UNC80: variants seen among roughly 807,000 people sequenced by gnomAD.
UNC80 encodes protein unc-80 homolog.
In UNC80, 164 loss-of-function variants were observed where a neutral mutation model predicts 384.6. The ratio of observed to expected loss-of-function variants is 0.43; its 90% CI spans 0.38 to 0.49. The LOEUF is 0.49. Among genes scored for constraint, UNC80 ranks in the 20% least tolerant of loss-of-function variants. The pLI, the probability that UNC80 is intolerant of heterozygous loss-of-function variation, is 0.00. For synonymous variants in UNC80, 1,486 were observed against 1,527.8 expected (o/e 0.97, Z 0.64); for missense variants, 3,330 against 4,143.0 (o/e 0.80, Z 5.39).
intron 7 of UNC80, among the ~76,000 whole-genome samples, chr2:209,797,523 A>G (rs1350698646): frequency 1.3e-5 from 2 of 152,208 alleles, no homozygotes; most frequent in African/African-American, 2.4e-5. Flanking sequence ...CTGTGGTTGC[A>G]TACTATTCCA....
At chr2:209,951,634 C>G (rs1435332724) in intron 47 of UNC80, 4 of 152,160 alleles carry the variant, frequency 2.6e-5, no homozygotes, top group African/African-American at 9.7e-5. Context: ...TTAAGATTTT[C>G]TCTTTGCTTT....
In UNC80 at chr2:209,817,760, A is replaced by C. The variant is rs551335225; in HGVS notation, c.1553-52A>C. On this transcript the variant is annotated intron_variant, in intron 10 of 64. Coordinates refer to ENST00000673920, the MANE Select transcript of UNC80 (RefSeq NM_001371986.1). The stretch of plus-strand genomic sequence containing the variant: ...CTTGGGAAAGACAATATCTTGGCAG[A>C]ATAACTTTCAGATTTTAAAACCCTC... 20 of 1,546,930 alleles carry C rather than the reference A, an allele frequency of 1.3e-5. No individual in the cohort carries two copies. The African/African-American group carries it at 2.5e-4, about 19-fold the overall frequency.
chr2:209,990,099 T>C (rs1369985458), intron 61 of UNC80, among the ~76,000 whole-genome samples: 1 of 152,138 alleles, frequency 6.6e-6, no homozygotes, highest in Non-Finnish European at 1.5e-5. Flanking sequence ...TCTCTATCCA[T>C]AGAGAAAATT....
intron 17 of UNC80, 49 bp from the exon 18 acceptor site, chr2:209,834,863 A>C: frequency 2.1e-6 from 3 of 1,452,376 alleles, no homozygotes. Flanking sequence ...AAGTATTAAG[A>C]CTTGCTATCC....
intron 38 of UNC80, 139 bp from the exon 39 acceptor site, chr2:209,933,683 A>G: frequency 1.6e-6 from 1 of 622,478 alleles, no homozygotes; most frequent in African/African-American, 1.9e-5. Flanking sequence ...GGTAACATTG[A>G]AAGTGTTAGA....
chr2:209,806,504 T>C (rs747157751), intron 7 of UNC80, among the ~76,000 whole-genome samples: 8 of 152,262 alleles, frequency 5.3e-5, no homozygotes, highest in Non-Finnish European at 8.8e-5. Context: ...AGTGGCACTT[T>C]GGAAAAATGA....
chr2:209,870,152 C>T (rs1287859091), intron 22 of UNC80, among the ~76,000 whole-genome samples: 1 of 152,020 alleles, frequency 6.6e-6, no homozygotes, highest in Non-Finnish European at 1.5e-5. Context: ...CCTGAAGGAG[C>T]CAGGGTTCAC....
rs1575217474 is a variant in UNC80, at chr2:209,982,184, T to C, written c.9124T>C (p.Ser3042Pro). The change falls in exon 60 of 65, where the codon TCT (serine) becomes CCT (proline). Residue 3042 changes from serine (S) to proline (P), a missense_variant. By Grantham distance (74) the Ser-to-Pro change is moderately conservative (BLOSUM62 -1). Transcript: ENST00000673920. The stretch of plus-strand genomic sequence containing the variant: ...TATTCCTTTGCCCCTTTTAGATGAC[T>C]CTATAAGCATGCCCAGCGTGGTAAG... ...RTDEEDEEND[S>P]ISMPSVVSEQ... is the part of the protein sequence containing the mutation. The C allele has an allele frequency of 3.2e-6, 5 of 1,551,356 alleles. No individual in the cohort carries two copies. The highest frequency in any genetic ancestry group is 4.4e-6 in the Non-Finnish European group (5 of 1,146,834).
At chr2:209,843,139 T>C (rs958015442) in intron 21 of UNC80, among the ~76,000 whole-genome samples, 1 of 152,222 alleles carries the variant, frequency 6.6e-6, no homozygotes, top group East Asian at 1.9e-4. Flanking sequence ...ATCACCATTC[T>C]GATTCCTTTT....
chr2:209,775,779 G>C, intron 2 of UNC80, 110 bp from the exon 3 acceptor site: 1 of 1,056,136 alleles, frequency 9.5e-7, no homozygotes, highest in Non-Finnish European at 1.3e-6. Flanking sequence ...ATCTTTTAAG[G>C]GGTACAGTAC....
At chr2:209,795,607 T>A (rs1396340914) in intron 7 of UNC80, 2 of 152,204 alleles carry the variant, frequency 1.3e-5, no homozygotes, top group East Asian at 3.9e-4. Context: ...GGGCCCAGGG[T>A]CCTCATGCTG....
Position 209,772,181 on chromosome 2 carries a change from G to A in UNC80, c.92+17G>A. On this transcript the variant is annotated intron_variant, in intron 1 of 64. Transcript: ENST00000673920. ...GCAAACCAGGTGAGGGGCGCAGAGG[G>A]CGCACCGCGGGCCGCCCTGGGCTGG... 6.5e-7 allele frequency: 1 copy of A among 1,528,428 alleles called. No individual in the cohort carries two copies. Among genetic ancestry groups the A allele is most frequent in the Non-Finnish European group, 8.8e-7 (1 of 1,135,656 alleles). The allele number at this position is 1,528,428 out of a possible 1,614,324, so 94.7% of individuals were successfully genotyped here. A position where few individuals can be genotyped will look rare whatever the true frequency, so the allele number is the denominator to read the frequency against.
At chr2:209,985,695 T>G (rs988729232) in intron 61 of UNC80, among the ~76,000 whole-genome samples, 4 of 152,230 alleles carry the variant, frequency 2.6e-5, no homozygotes, top group Admixed American at 2.0e-4. Flanking sequence ...ACCTCTCAAC[T>G]AATCCTCATT....
At chr2:209,869,009 A>G (rs934615078) in intron 22 of UNC80, 4 of 152,300 alleles carry the variant, frequency 2.6e-5, no homozygotes, top group Admixed American at 2.6e-4. Context: ...TTCTTTTAGG[A>G]CCACCAGCAA....
intron 47 of UNC80, 87 bp downstream of exon 47, chr2:209,946,030 T>A: frequency 1.0e-6 from 1 of 968,510 alleles, no homozygotes; most frequent in Non-Finnish European, 1.6e-6. Flanking sequence ...TTATGCTGAT[T>A]AATATCAGAC....
At chr2:209,789,433 T>A (rs2077656693) in intron 5 of UNC80, 99 bp from the exon 6 acceptor site, 1 of 776,230 alleles carries the variant, frequency 1.3e-6, no homozygotes, top group South Asian at 1.7e-5. Flanking sequence ...GTAATAATGT[T>A]CTATTAAAAT....
At chr2:209,971,631 G>A (rs1207966505) in intron 54 of UNC80, among the ~76,000 whole-genome samples, 1 of 152,186 alleles carries the variant, frequency 6.6e-6, no homozygotes, top group Admixed American at 6.5e-5. Context: ...AAGCTTGATG[G>A]CTCATCATCC....
chr2:209,989,831 C>G (rs2093359668), intron 61 of UNC80, among the ~76,000 whole-genome samples: 1 of 152,162 alleles, frequency 6.6e-6, no homozygotes, highest in South Asian at 2.1e-4. Context: ...GAAACATGTT[C>G]TGTATAAATT....
rs529269261 is a variant in UNC80 at position 209,884,355 on chromosome 2, G to C, written c.4110+3261G>C. Among the ~76,000 whole-genome samples, 6 of 152,318 alleles carry C rather than the reference G, an allele frequency of 3.9e-5. No homozygotes were observed. In the East Asian group the frequency reaches 9.6e-4, roughly 24 times the overall value. ...AGAGGAAGGTGGTAAGGAGGTCTCT[G>C]TATGTCTACATTCGTTTGTTACAGA... On this transcript the variant is annotated intron_variant, in intron 25 of 64. Transcript: ENST00000673920.
Sources: allele counts gnomAD v4.1 joint callset (sites outside exome capture counted in the v4.1 genomes callset), GRCh38; gene constraint gnomAD v4.1.1; transcripts MANE v1.5; gene names NCBI Gene and HGNC (gene_info 2026-07-23, HGNC 2026-07-21).